The following PAPPA2 variants were observed in gnomAD, a reference collection of about 807,000 sequenced individuals.
PAPPA2 encodes the protein pappalysin 2, also known as pappalysin-2.
In PAPPA2, 86 loss-of-function variants were observed where a neutral mutation model predicts 176.4. That is an observed-to-expected ratio of 0.49 (90% CI 0.41 to 0.58). The LOEUF (loss-of-function observed/expected upper bound fraction) is 0.58. Among genes scored for constraint, PAPPA2 ranks in the 20% least tolerant of loss-of-function variants. PAPPA2 has a pLI of 0.00. For synonymous variants in PAPPA2, 809 were observed against 852.2 expected (o/e 0.95, Z 0.88); for missense variants, 2,073 against 2,256.9 (o/e 0.92, Z 1.65).
In PAPPA2 at chr1:176,628,706, TTTAAAAGTTTCCTTTAA is replaced by T. The variant is rs1656172603; in HGVS notation, c.1991+33112_1991+33128del. ...GATATGATGAACTGTGTGAGATGGT[TTTAAAAGTTTCCTTTAA>T]AAACATAATCTTGTATTTGCCTTTT... On this transcript the variant is annotated intron_variant, in intron 3 of 22. Transcript: ENST00000367662. 2.6e-5 allele frequency among the ~76,000 whole-genome samples: 4 copies of T among 152,292 alleles called. No individual in the cohort carries two copies. The South Asian group carries it at 8.3e-4, about 32-fold the overall frequency.
intron 1 of PAPPA2, among the ~76,000 whole-genome samples, chr1:176,522,808 G>T (rs1649284952): frequency 6.6e-6 from 1 of 151,976 alleles, no homozygotes; most frequent in Non-Finnish European, 1.5e-5. Context: ...GACGAAGAGG[G>T]AAGAGTTTCT....
intron 3 of PAPPA2, among the ~76,000 whole-genome samples, chr1:176,640,861 G>C (rs1318241084): frequency 2.0e-5 from 3 of 151,264 alleles, no homozygotes; most frequent in East Asian, 1.9e-4. Flanking sequence ...GTTGTTTCCT[G>C]ACTTTTTAAT....
At chr1:176,749,999 T>G (rs757789950) in intron 14 of PAPPA2, among the ~76,000 whole-genome samples, 20 of 152,218 alleles carry the variant, frequency 1.3e-4, no homozygotes, top group Non-Finnish European at 2.8e-4. Flanking sequence ...TACCAAGGAA[T>G]GTGATTGCTG....
intron 17 of PAPPA2, among the ~76,000 whole-genome samples, chr1:176,775,190 A>T (rs767091638): frequency 2.0e-5 from 3 of 152,168 alleles, no homozygotes; most frequent in Non-Finnish European, 2.9e-5. Context: ...TCACGAATAG[A>T]CCATGAATAT....
Position 176,771,265 on chromosome 1 carries a change from G to T in PAPPA2, c.4715+85G>T, listed in dbSNP as rs1299994739. 5.8e-6 allele frequency: 8 copies of T among 1,381,928 alleles called. No homozygotes were observed. In the East Asian group the frequency reaches 1.2e-4, roughly 21 times the overall value. The allele number at this position is 1,381,928 out of a possible 1,614,324, so 85.6% of individuals were successfully genotyped here. A position where few individuals can be genotyped will look rare whatever the true frequency, so the allele number is the denominator to read the frequency against. ...TTTTCTGTATAATCTCTCTTTACCT[G>T]CAGGGCTATATTCTCCAGTCATGAC... On this transcript the variant is annotated intron_variant, in intron 17 of 22. Coordinates refer to ENST00000367662, the MANE Select transcript of PAPPA2 (RefSeq NM_020318.3).
chr1:176,523,896 T>A (rs1558416242), intron 1 of PAPPA2, among the ~76,000 whole-genome samples: 1 of 152,222 alleles, frequency 6.6e-6, no homozygotes, highest in Non-Finnish European at 1.5e-5. Flanking sequence ...GGCTCTTCTC[T>A]TCCCTCCAGA....
At chr1:176,504,051 A>T (rs1431238728) in intron 1 of PAPPA2, among the ~76,000 whole-genome samples, 3 of 152,102 alleles carry the variant, frequency 2.0e-5, no homozygotes, top group Admixed American at 6.6e-5. Flanking sequence ...ACTATGAAGA[A>T]CTTCCTTAAG....
chr1:176,671,161 G>T, intron 4 of PAPPA2, 46 bp downstream of exon 4: 1 of 1,595,464 alleles, frequency 6.3e-7, no homozygotes, highest in Non-Finnish European at 8.5e-7. Context: ...AACAAAGAAG[G>T]CTGAAGGAAG....
chr1:176,744,030 G>A (rs1254929189), intron 14 of PAPPA2, among the ~76,000 whole-genome samples: 2 of 152,102 alleles, frequency 1.3e-5, no homozygotes, highest in Non-Finnish European at 2.9e-5. Context: ...AGATTTCCCA[G>A]TCTACCTGGT....
At chr1:176,804,259 G>A (rs1018742763) in intron 21 of PAPPA2, among the ~76,000 whole-genome samples, 6 of 152,086 alleles carry the variant, frequency 3.9e-5, no homozygotes, top group African/African-American at 7.2e-5. Context: ...ACCCATTCCC[G>A]GGACTCATCC....
intron 21 of PAPPA2, among the ~76,000 whole-genome samples, chr1:176,820,865 G>T (rs984812137): frequency 3.3e-5 from 5 of 152,104 alleles, no homozygotes; most frequent in Non-Finnish European, 7.3e-5. Flanking sequence ...AAGGAAATAT[G>T]TTCTAACCCA....
chr1:176,538,126 C>A (rs1165150373), intron 1 of PAPPA2, among the ~76,000 whole-genome samples: 1 of 152,138 alleles, frequency 6.6e-6, no homozygotes, highest in African/African-American at 2.4e-5. Context: ...CTCATGATTT[C>A]TCACCTTCTC....
At chr1:176,508,766 A>C (rs1648441135) in intron 1 of PAPPA2, among the ~76,000 whole-genome samples, 1 of 151,676 alleles carries the variant, frequency 6.6e-6, no homozygotes. Context: ...GTGAGTTCTT[A>C]TGAGATCATT....
intron 14 of PAPPA2, among the ~76,000 whole-genome samples, chr1:176,745,301 C>T (rs2102880134): frequency 1.3e-5 from 2 of 152,276 alleles, no homozygotes; most frequent in South Asian, 4.1e-4. Context: ...CAGTGGTGTG[C>T]AGCACACCTA....
intron 1 of PAPPA2, among the ~76,000 whole-genome samples, chr1:176,542,873 G>A (rs892427915): frequency 8.5e-5 from 13 of 152,168 alleles, no homozygotes; most frequent in Non-Finnish European, 1.9e-4. Context: ...CGTTTCATCA[G>A]TAAAACAAAT....
chr1:176,799,986 C>G, intron 20 of PAPPA2, 75 bp from the exon 21 acceptor site: 3 of 1,473,600 alleles, frequency 2.0e-6, no homozygotes, highest in Non-Finnish European at 2.8e-6. Flanking sequence ...CTGTGGTGAG[C>G]TCAGGATTTG....
At position 176,623,711 on chromosome 1, in the gene PAPPA2, C is replaced by CGTCT. The variant is rs1553375947; in HGVS notation, c.1991+28116_1991+28117insGTCT. Among the ~76,000 whole-genome samples the CGTCT allele has an allele frequency of 4.5e-3, 556 of 123,650 alleles. 3 individuals carry two copies. The highest frequency in any genetic ancestry group is 7.5e-3 in the Non-Finnish European group (446 of 59,088). 81.1% of individuals were successfully genotyped at this position (123,650 alleles called of 152,430 possible). ...TCTCTCTCTTTCCTTTCTTTCTTTT[C>CGTCT]TTCTTTCTTTCTTTCTCTTTCTTTC... On this transcript the variant is annotated intron_variant, in intron 3 of 22. Coordinates refer to ENST00000367662, the MANE Select transcript of PAPPA2 (RefSeq NM_020318.3).
At chr1:176,506,797 A>G (rs998250342) in intron 1 of PAPPA2, among the ~76,000 whole-genome samples, 3 of 152,168 alleles carry the variant, frequency 2.0e-5, no homozygotes, top group African/African-American at 4.8e-5. Context: ...TCATCAGTGA[A>G]GAAAGATAGT....
At chr1:176,505,631 G>GA (rs1386661125) in intron 1 of PAPPA2, among the ~76,000 whole-genome samples, 16 of 151,928 alleles carry the variant, frequency 1.1e-4, no homozygotes, top group Middle Eastern at 6.8e-3. Context: ...TACACAATTA[G>GA]AAAAAACTAT....
Sources: gnomAD v4.1 joint callset for allele counts (sites outside exome capture counted in the v4.1 genomes callset) on GRCh38, gnomAD v4.1.1 for gene constraint, MANE v1.5 for transcripts, NCBI Gene and HGNC (gene_info 2026-07-23, HGNC 2026-07-21) for gene names.